The following RAP1GAP2 variants were observed in gnomAD, a reference collection of about 807,000 sequenced individuals.
The protein encoded by RAP1GAP2 is RAP1 GTPase activating protein 2.
RAP1GAP2 carries 27 observed loss-of-function variants against 95.0 expected under a neutral mutation model. That is an observed-to-expected ratio of 0.28 (90% CI 0.21 to 0.39). The LOEUF (loss-of-function observed/expected upper bound fraction) is 0.39, where lower values mean the gene tolerates loss of function less well. Ranked by LOEUF, RAP1GAP2 falls within the 10% of genes least tolerant of loss-of-function variation. RAP1GAP2 has a pLI of 1.00. For missense variants in RAP1GAP2, 771 were observed against 970.0 expected, an observed-to-expected ratio of 0.79 and a Z score of 2.72; for synonymous variants, 373 against 380.9, an observed-to-expected ratio of 0.98 and a Z score of 0.24.
At chr17:2,944,135 G>A (rs374216498) in intron 3 of RAP1GAP2, among the ~76,000 whole-genome samples, 17 of 138,088 alleles carry the variant, frequency 1.2e-4, no homozygotes, top group East Asian at 4.3e-4. Context: ...GCGACAGAGC[G>A]AGACTCCGTC....
At chr17:2,941,445 AAAAC>A (rs2043493318) in intron 3 of RAP1GAP2, among the ~76,000 whole-genome samples, 1 of 148,312 alleles carries the variant, frequency 6.7e-6, no homozygotes, top group Non-Finnish European at 1.5e-5. Flanking sequence ...AAAAACAACA[AAAAC>A]AAAAAAAAGA....
chr17:2,927,405 G>C (rs552955642), intron 3 of RAP1GAP2, among the ~76,000 whole-genome samples: 1 of 151,546 alleles, frequency 6.6e-6, no homozygotes, highest in Non-Finnish European at 1.5e-5. Flanking sequence ...CGCCCGCCTT[G>C]GCCTCCCAAA....
intron 2 of RAP1GAP2, among the ~76,000 whole-genome samples, chr17:2,770,656 C>T (rs1488752828): frequency 6.6e-6 from 1 of 152,274 alleles, no homozygotes; most frequent in African/African-American, 2.4e-5. Flanking sequence ...CCTCTGCTTT[C>T]TCCTCTATAA....
At chr17:2,948,768 G>GT (rs2043804489) in intron 3 of RAP1GAP2, among the ~76,000 whole-genome samples, 1 of 151,428 alleles carries the variant, frequency 6.6e-6, no homozygotes. Context: ...GAGAAGCTGT[G>GT]CCTGTGTGTA....
chr17:2,918,892 C>T (rs1331606329), intron 3 of RAP1GAP2, among the ~76,000 whole-genome samples: 2 of 152,168 alleles, frequency 1.3e-5, no homozygotes, highest in African/African-American at 2.4e-5. Flanking sequence ...TTGCTTAAAA[C>T]AGAGGTATGC....
At chr17:2,992,843 T>C (rs1436470570) in intron 12 of RAP1GAP2, among the ~76,000 whole-genome samples, 1 of 152,144 alleles carries the variant, frequency 6.6e-6, no homozygotes, top group South Asian at 2.1e-4. Flanking sequence ...AAACCCCCGC[T>C]CCATCACTTA....
rs186371456 is a variant in RAP1GAP2, at chr17:2,984,489, G to A, written c.730-494G>A. The stretch of plus-strand genomic sequence containing the variant: ...ATTTCCTCTTTGCATATTGTATTAG[G>A]GTATGTTCCTCCTTAGCGTGGTCTC... On this transcript the variant is annotated intron_variant, in intron 10 of 24. Transcript: ENST00000254695. 5.2e-3 allele frequency among the ~76,000 whole-genome samples: 795 copies of A among 152,220 alleles called. 9 individuals carry two copies. Among genetic ancestry groups the A allele is most frequent in the African/African-American group, 0.018 (734 of 41,548 alleles).
chr17:2,770,356 C>T (rs1378490556), exon 2 of RAP1GAP2: 4 of 398,590 alleles, frequency 1.0e-5, no homozygotes, highest in Middle Eastern at 6.2e-4. Flanking sequence ...GGTTCCGAAT[C>T]GAGGAGAGGA....
intron 2 of RAP1GAP2, among the ~76,000 whole-genome samples, chr17:2,837,411 A>C (rs2071180758): frequency 2.0e-5 from 3 of 151,972 alleles, no homozygotes; most frequent in Admixed American, 2.0e-4. Context: ...GGGGAGCATC[A>C]AGGTACTGTC....
At chr17:2,923,219 T>C (rs1314014186) in intron 3 of RAP1GAP2, among the ~76,000 whole-genome samples, 1 of 151,954 alleles carries the variant, frequency 6.6e-6, no homozygotes, top group Admixed American at 6.6e-5. Flanking sequence ...TTTGTATTTT[T>C]AATAGAGATG....
In RAP1GAP2 at chr17:3,004,523, A is replaced by G. The variant is rs2046273154; in HGVS notation, c.1201-846A>G. Among the ~76,000 whole-genome samples the G allele has an allele frequency of 6.6e-6, 1 of 152,238 alleles. No homozygotes were observed. Among genetic ancestry groups the G allele is most frequent in the African/African-American group, 2.4e-5 (1 of 41,474 alleles). ...CCTCACAGCCTCGTGGGCTGAGAAT[A>G]GGTGAAGTCAGGGCACCTCTGTGCA... On this transcript the variant is annotated intron_variant, in intron 14 of 24. Transcript: ENST00000254695. The surrounding 1 kb of genome is among the most constrained non-coding windows in gnomAD (Gnocchi z 4.1).
intron 2 of RAP1GAP2, among the ~76,000 whole-genome samples, chr17:2,889,278 G>C (rs969573127): frequency 6.6e-6 from 1 of 152,136 alleles, no homozygotes; most frequent in Non-Finnish European, 1.5e-5. Context: ...GATGAGCCGG[G>C]TGCCAGCTCA....
intron 8 of RAP1GAP2, among the ~76,000 whole-genome samples, chr17:2,969,537 T>G (rs903374703): frequency 1.5e-5 from 2 of 136,574 alleles, no homozygotes; most frequent in Non-Finnish European, 3.1e-5. Flanking sequence ...AGTCTTGCTC[T>G]GTTGCCCAGG....
chr17:3,005,444 G>A lies in RAP1GAP2; in HGVS notation c.1272+4G>A. 2.5e-6 allele frequency: 4 copies of A among 1,611,312 alleles called. No homozygotes were observed. The highest frequency in any genetic ancestry group is 3.4e-6 in the Non-Finnish European group (4 of 1,177,490). On this transcript the variant is annotated splice_donor_region_variant and intron_variant, in intron 15 of 24. Coordinates refer to ENST00000254695, the MANE Select transcript of RAP1GAP2 (RefSeq NM_015085.5). This position sits in a 1 kb window ranked among gnomAD's most constrained non-coding sequence, Gnocchi z 5.2. ...CAGTCCCCCCGTTTTCCAGAAGGTAGGACACTCTTCCTTCTGCCCCTCTCG... is the reference window on the plus strand; with the variant it reads ...CAGTCCCCCCGTTTTCCAGAAGGTAAGACACTCTTCCTTCTGCCCCTCTCG...
chr17:2,968,987 TGTC>T (rs2044732391), intron 8 of RAP1GAP2, among the ~76,000 whole-genome samples: 1 of 152,078 alleles, frequency 6.6e-6, no homozygotes, highest in African/African-American at 2.4e-5. Flanking sequence ...TATTTTATAT[TGTC>T]AGTAGTATAT....
At chr17:3,026,310 G>A (rs376506174) in intron 20 of RAP1GAP2, 40 bp from the exon 21 acceptor site, 10 of 1,500,048 alleles carry the variant, frequency 6.7e-6, no homozygotes, top group East Asian at 2.5e-5. Context: ...GAGGGCTCTC[G>A]CGTGTGACCC....
chr17:2,775,651 A>G (rs186499684), upstream of RAP1GAP2, among the ~76,000 whole-genome samples: 147 of 152,288 alleles, frequency 9.7e-4, no homozygotes, highest in African/African-American at 3.3e-3. Flanking sequence ...CTGTGCAATT[A>G]AAGGAACGGC....
At chr17:2,972,514 C>T (rs979014532) in intron 8 of RAP1GAP2, among the ~76,000 whole-genome samples, 12 of 137,064 alleles carry the variant, frequency 8.8e-5, no homozygotes, top group Admixed American at 4.1e-4. Flanking sequence ...ATTAGCTGGG[C>T]GTGGTGGTGC....
intron 1 of RAP1GAP2, among the ~76,000 whole-genome samples, chr17:2,780,251 A>G (rs970423067): frequency 6.6e-6 from 1 of 152,098 alleles, no homozygotes; most frequent in Admixed American, 6.5e-5. Context: ...GGGTTTCTCC[A>G]TGTTGGTCAG....
Sources: allele counts gnomAD v4.1 joint callset (sites outside exome capture counted in the v4.1 genomes callset), GRCh38; gene constraint gnomAD v4.1.1; non-coding constraint Gnocchi (gnomAD v3.1); transcripts MANE v1.5; gene names NCBI Gene and HGNC (gene_info 2026-07-23, HGNC 2026-07-21).